The following THSD7B variants were observed in gnomAD, a reference collection of about 807,000 sequenced individuals.
The protein encoded by THSD7B is thrombospondin type-1 domain-containing protein 7B.
A neutral mutation model predicts 213.6 loss-of-function variants in THSD7B; 138 were observed. The observed-to-expected ratio is 0.65, with a 90% CI of 0.56 to 0.74. THSD7B has a LOEUF of 0.74. Among genes scored for constraint, THSD7B ranks in the 30% least tolerant of loss-of-function variants. The probability of loss-of-function intolerance (pLI) is 0.00; values close to 1 mark genes in which losing one functional copy is unlikely to be tolerated. For missense variants in THSD7B, 1,931 were observed against 1,991.5 expected, an observed-to-expected ratio of 0.97 and a Z score of 0.58; for synonymous variants, 742 against 687.0, an observed-to-expected ratio of 1.08 and a Z score of -1.25.
chr2:136,871,982 T>G (rs755512636), intron 1 of THSD7B, among the ~76,000 whole-genome samples: 3 of 152,156 alleles, frequency 2.0e-5, no homozygotes, highest in Non-Finnish European at 4.4e-5. Context: ...TTTGTTTTAT[T>G]CCCCATATTG....
At chr2:137,507,548 T>C (rs1017562173) in intron 15 of THSD7B, among the ~76,000 whole-genome samples, 1 of 152,200 alleles carries the variant, frequency 6.6e-6, no homozygotes, top group Non-Finnish European at 1.5e-5. Context: ...TCCTCCTTTG[T>C]GATTGTAATA....
chr2:137,482,594 G>C (rs962748426), intron 15 of THSD7B, among the ~76,000 whole-genome samples: 2 of 152,124 alleles, frequency 1.3e-5, no homozygotes, highest in African/African-American at 2.4e-5. Flanking sequence ...TCCTGGGCTT[G>C]GGTATGCCTG....
intron 19 of THSD7B, among the ~76,000 whole-genome samples, chr2:137,618,855 G>T (rs1682460151): frequency 6.6e-6 from 1 of 152,182 alleles, no homozygotes; most frequent in Admixed American, 6.5e-5. Flanking sequence ...TGATTCATTT[G>T]CATATGTGAT....
At chr2:136,864,678 G>C (rs533279501) in intron 1 of THSD7B, among the ~76,000 whole-genome samples, 2 of 151,788 alleles carry the variant, frequency 1.3e-5, no homozygotes, top group Non-Finnish European at 2.9e-5. Flanking sequence ...TCAGCCCCCC[G>C]AGTAGCTGGG....
intron 12 of THSD7B, among the ~76,000 whole-genome samples, chr2:137,309,592 GT>G (rs1683841585): frequency 6.6e-6 from 1 of 151,850 alleles, no homozygotes; most frequent in Non-Finnish European, 1.5e-5. Flanking sequence ...TGTCATGCTG[GT>G]GCGCTGCACC....
chr2:136,843,763 AAAG>A (rs1682954102), intron 1 of THSD7B, among the ~76,000 whole-genome samples: 1 of 152,190 alleles, frequency 6.6e-6, no homozygotes, highest in Non-Finnish European at 1.5e-5. Context: ...CTGAGTAGGC[AAAG>A]AAGGGTCCCA....
chr2:137,264,935 T>C (rs1261240620), intron 10 of THSD7B, among the ~76,000 whole-genome samples: 1 of 152,116 alleles, frequency 6.6e-6, no homozygotes, highest in Non-Finnish European at 1.5e-5. Context: ...CACTAACTTG[T>C]CATCTAGCAT....
chr2:136,988,546 G>A (rs1174186451), intron 2 of THSD7B, among the ~76,000 whole-genome samples: 1 of 152,172 alleles, frequency 6.6e-6, no homozygotes, highest in Non-Finnish European at 1.5e-5. Context: ...GAGTAAACTG[G>A]CTCCATGTGT....
intron 3 of THSD7B, among the ~76,000 whole-genome samples, chr2:137,085,879 C>G (rs868732744): frequency 3.3e-5 from 5 of 152,078 alleles, no homozygotes; most frequent in Admixed American, 6.6e-5. Context: ...AACACCATAA[C>G]AAAATTAAAA....
intron 15 of THSD7B, among the ~76,000 whole-genome samples, chr2:137,529,469 T>C (rs1680355516): frequency 6.7e-6 from 1 of 150,070 alleles, no homozygotes; most frequent in African/African-American, 2.4e-5. Context: ...GGAGGCCTCA[T>C]AAAGAAGGTA....
chr2:137,080,367 GTTT>G (rs70975798), intron 3 of THSD7B, among the ~76,000 whole-genome samples: 28 of 98,392 alleles, frequency 2.8e-4, no homozygotes, highest in African/African-American at 7.9e-4. Context: ...ATGCCCAGCT[GTTT>G]TTTTTTTTTT....
chr2:137,428,186 G>A (rs747029147), intron 14 of THSD7B, among the ~76,000 whole-genome samples: 1 of 151,998 alleles, frequency 6.6e-6, no homozygotes, highest in African/African-American at 2.4e-5. Flanking sequence ...TACAAAAATG[G>A]CCAGCAAACA....
Position 136,770,093 on chromosome 2 carries a change from C to T in THSD7B, c.-36+4406C>T, listed in dbSNP as rs548390770. ...GATTTGTGTCCTAGTGTTATGTTAGCGAACAGCTCATTACTTCTGGAAAAA... is the reference window on the plus strand; with the variant it reads ...GATTTGTGTCCTAGTGTTATGTTAGTGAACAGCTCATTACTTCTGGAAAAA... On this transcript the variant is annotated intron_variant, in intron 1 of 27. Transcript: ENST00000409968. Among the ~76,000 whole-genome samples, 12 of 152,292 alleles carry T rather than the reference C, an allele frequency of 7.9e-5. No homozygotes were observed. The East Asian group carries it at 1.4e-3, about 17-fold the overall frequency.
At chr2:137,337,490 A>G (rs553979149) in intron 12 of THSD7B, among the ~76,000 whole-genome samples, 1 of 152,086 alleles carries the variant, frequency 6.6e-6, no homozygotes, top group Non-Finnish European at 1.5e-5. Context: ...ATTAATTTTG[A>G]TCACTTTGTT....
chr2:136,932,294 A>G (rs1407564941), intron 2 of THSD7B, among the ~76,000 whole-genome samples: 2 of 152,202 alleles, frequency 1.3e-5, no homozygotes, highest in Admixed American at 6.5e-5. Context: ...AGATAGAATG[A>G]AAAAAGGATA....
intron 4 of THSD7B, among the ~76,000 whole-genome samples, chr2:137,109,653 C>T (rs1340834995): frequency 6.6e-6 from 1 of 152,082 alleles, no homozygotes; most frequent in Non-Finnish European, 1.5e-5. Context: ...ATAGGGTTTG[C>T]ACTCCTGTGA....
In THSD7B at chr2:136,869,888, A is replaced by G. The variant is rs149212319; in HGVS notation, c.-35-12256A>G. Among the ~76,000 whole-genome samples the G allele has an allele frequency of 2.3e-3, 347 of 152,268 alleles. 3 individuals are homozygous for G. The highest frequency in any genetic ancestry group is 6.7e-3 in the African/African-American group (278 of 41,556). On this transcript the variant is annotated intron_variant, in intron 1 of 27. Transcript: ENST00000409968. ...GGAGTTTGAGCCTGGCATGGCCAAT[A>G]TGGTGAAACTCCATCTATACTAAAA...
intron 15 of THSD7B, among the ~76,000 whole-genome samples, chr2:137,531,317 T>C: frequency 6.6e-6 from 1 of 152,038 alleles, no homozygotes; most frequent in East Asian, 2.0e-4. Flanking sequence ...AATACTGAAT[T>C]CAAGAAAATA....
intron 14 of THSD7B, among the ~76,000 whole-genome samples, chr2:137,419,797 G>C (rs1686884258): frequency 1.3e-5 from 2 of 151,850 alleles, no homozygotes; most frequent in African/African-American, 4.8e-5. Flanking sequence ...CTGGGGACCT[G>C]TCCCTGTCTG....
Sources: allele counts gnomAD v4.1 joint callset (sites outside exome capture counted in the v4.1 genomes callset), GRCh38; gene constraint gnomAD v4.1.1; transcripts MANE v1.5; gene names NCBI Gene and HGNC (gene_info 2026-07-23, HGNC 2026-07-21).